Variants in TPCN2 observed in about 807,000 individuals in gnomAD.
The protein encoded by TPCN2 is two pore channel protein 2.
Under a neutral mutation model 111.4 loss-of-function variants are expected in TPCN2, and 92 were observed. The observed-to-expected ratio is 0.83, with a 90% confidence interval of 0.70 to 0.98. The LOEUF is 0.98. Ranked by LOEUF, TPCN2 falls within the 50% of genes least tolerant of loss-of-function variation. TPCN2 has a pLI of 0.00. For synonymous variants in TPCN2, 405 were observed against 414.5 expected (o/e 0.98, Z 0.28); for missense variants, 995 against 980.1 (o/e 1.02, Z -0.20).
At chr11:69,050,697 C>T (rs1861186246) in intron 1 of TPCN2, among the ~76,000 whole-genome samples, 1 of 152,336 alleles carries the variant, frequency 6.6e-6, no homozygotes, top group African/African-American at 2.4e-5. Flanking sequence ...CTTTCCGAAT[C>T]TCAGTAAAAG....
intron 13 of TPCN2, among the ~76,000 whole-genome samples, chr11:69,074,022 C>T (rs1316438566): frequency 6.6e-6 from 1 of 152,182 alleles, no homozygotes. Context: ...TTTTAAAAGG[C>T]CCTGTCTCCA....
intron 7 of TPCN2, among the ~76,000 whole-genome samples, chr11:69,067,289 A>T (rs1031699884): frequency 6.6e-6 from 1 of 152,224 alleles, no homozygotes; most frequent in Non-Finnish European, 1.5e-5. Context: ...CACCGTGTCC[A>T]TGCGGGTGAG....
chr11:69,052,742 G>A (rs935934747), intron 1 of TPCN2, among the ~76,000 whole-genome samples: 3 of 152,196 alleles, frequency 2.0e-5, no homozygotes, highest in Non-Finnish European at 4.4e-5. Flanking sequence ...GGCCAGTGGC[G>A]TGGGCGGGTC....
rs749820338 is a variant in TPCN2, at chr11:69,085,846, A to C, written c.1921-2A>C. On this transcript the variant is annotated splice_acceptor_variant, in intron 21 of 24. Coordinates refer to ENST00000294309, the MANE Select transcript of TPCN2 (RefSeq NM_139075.4). LOFTEE classifies it high-confidence loss of function. ...CTGGACCGCTGGTCTCTGCCCCCGCAGGCTGCCCTGGTCACTCTGTGGAAC... is the reference window on the plus strand; with the variant it reads ...CTGGACCGCTGGTCTCTGCCCCCGCCGGCTGCCCTGGTCACTCTGTGGAAC... 5.0e-6 allele frequency: 8 copies of C among 1,614,080 alleles called. No individual in the cohort carries two copies. Among genetic ancestry groups the C allele is most frequent in the Non-Finnish European group, 6.8e-6 (8 of 1,179,972 alleles).
chr11:69,058,661 C>T (rs552419111), intron 5 of TPCN2, among the ~76,000 whole-genome samples: 39 of 152,308 alleles, frequency 2.6e-4, no homozygotes, highest in Admixed American at 1.3e-3. Flanking sequence ...TGGGCGGCAT[C>T]GCAGCCCACA....
At chr11:69,072,554 A>C in intron 11 of TPCN2, 73 bp from the exon 12 acceptor site, 1 of 1,490,282 alleles carries the variant, frequency 6.7e-7, no homozygotes, top group Non-Finnish European at 9.3e-7. Context: ...ACGCCAGGGC[A>C]GGAGGACCCA....
chr11:69,072,098 TA>T, intron 11 of TPCN2, 75 bp downstream of exon 11: 1 of 1,281,334 alleles, frequency 7.8e-7, no homozygotes, highest in South Asian at 1.3e-5. Flanking sequence ...GGGTGTTCAT[TA>T]GGGGCTTCTT....
chr11:69,080,324 A>G (rs1168498924), intron 17 of TPCN2, among the ~76,000 whole-genome samples: 1 of 152,082 alleles, frequency 6.6e-6, no homozygotes, highest in Non-Finnish European at 1.5e-5. Flanking sequence ...ATCGCCTCCC[A>G]CTCTGGACAT....
chr11:69,070,026 CTT>C (rs34320189), intron 8 of TPCN2, among the ~76,000 whole-genome samples: 42 of 143,880 alleles, frequency 2.9e-4, no homozygotes, highest in Middle Eastern at 3.6e-3. Context: ...TTCTTTCTTT[CTT>C]TTTTTTTTTT....
Position 69,054,033 on chromosome 11 carries a change from G to T in TPCN2, c.110G>T (p.Gly37Val). The T allele has an allele frequency of 6.2e-7, 1 of 1,613,728 alleles. No individual in the cohort carries two copies. Among genetic ancestry groups the T allele is most frequent in the Non-Finnish European group, 8.5e-7 (1 of 1,179,854 alleles). ...CCTGATGTGTCCCCTCTGCCTGCAG[G>T]TGCCGCGGCCAGGTGGGACCTCTGC... ...TTYRSIQVGPGAAARWDLCID... is the reference protein window; with the variant it reads ...TTYRSIQVGPVAAARWDLCID... The change falls in exon 2 of 25, where the codon GGT (glycine) becomes GTT (valine). Residue 37 changes from glycine (G) to valine (V), a missense_variant and splice_region_variant. Transcript: ENST00000294309.
At chr11:69,077,427 C>G (rs1855841929) in intron 13 of TPCN2, among the ~76,000 whole-genome samples, 2 of 152,174 alleles carry the variant, frequency 1.3e-5, no homozygotes. Context: ...AAAGCCTCAA[C>G]TCCCGTTCAC....
At chr11:69,063,679 A>C (rs1434400557) in intron 6 of TPCN2, among the ~76,000 whole-genome samples, 8 of 152,114 alleles carry the variant, frequency 5.3e-5, no homozygotes, top group Admixed American at 5.2e-4. Context: ...ACTGTCAAAG[A>C]AAGGACCCTG....
chr11:69,054,773 G>C lies in TPCN2; in HGVS notation c.227G>C (p.Arg76Pro). The change falls in exon 3 of 25, where the codon CGG becomes CCG. Residue 76 changes from arginine (R) to proline (P), a missense_variant. Arg to Pro is a moderately radical substitution (Grantham distance 103). Coordinates refer to ENST00000294309, the MANE Select transcript of TPCN2 (RefSeq NM_139075.4). ...GCCAGCTCGATGTGGCTTTACCGAC[G>C]GTATTACTCGAACGTATGCCAACGG... is the stretch of plus-strand genomic sequence containing the variant. ...VDASSMWLYRRYYSNVCQRTL... is the reference protein window; with the variant it reads ...VDASSMWLYRPYYSNVCQRTL... The C allele has an allele frequency of 1.2e-6, 2 of 1,614,128 alleles. No individual in the cohort carries two copies. Among genetic ancestry groups the C allele is most frequent in the Non-Finnish European group, 1.7e-6 (2 of 1,180,006 alleles).
chr11:69,078,417 A>G, intron 13 of TPCN2, 65 bp from the exon 14 acceptor site: 1 of 1,597,628 alleles, frequency 6.3e-7, no homozygotes, highest in Non-Finnish European at 8.5e-7. Context: ...GGGTGTGAGC[A>G]TTTTTGGGCT....
intron 9 of TPCN2, among the ~76,000 whole-genome samples, chr11:69,070,740 C>T (rs1173178044): frequency 6.8e-6 from 1 of 147,948 alleles, no homozygotes; most frequent in Non-Finnish European, 1.5e-5. Flanking sequence ...CCCCAGGGAT[C>T]CCCCACCAAC....
intron 13 of TPCN2, among the ~76,000 whole-genome samples, chr11:69,077,918 G>T (rs1481351385): frequency 6.6e-6 from 1 of 152,222 alleles, no homozygotes; most frequent in African/African-American, 2.4e-5. Flanking sequence ...AGCGGGTGCA[G>T]GTCTCCTTGC....
intron 7 of TPCN2, among the ~76,000 whole-genome samples, chr11:69,066,850 G>C (rs1048607634): frequency 2.0e-5 from 3 of 152,180 alleles, no homozygotes; most frequent in African/African-American, 7.2e-5. Context: ...CCCAGTGAGA[G>C]CCCCGGGCCC....
intron 1 of TPCN2, among the ~76,000 whole-genome samples, chr11:69,053,237 T>G (rs1434272903): frequency 6.6e-6 from 1 of 152,150 alleles, no homozygotes; most frequent in Non-Finnish European, 1.5e-5. Context: ...GCTTGTGCTG[T>G]TGGTAAAGGC....
At chr11:69,058,447 G>A (rs558595511) in intron 5 of TPCN2, among the ~76,000 whole-genome samples, 1 of 152,222 alleles carries the variant, frequency 6.6e-6, no homozygotes, top group Non-Finnish European at 1.5e-5. Context: ...CTTGCCCTCT[G>A]TCCTCTGGGA....
Sources: gnomAD v4.1 joint callset for allele counts (sites outside exome capture counted in the v4.1 genomes callset) on GRCh38, gnomAD v4.1.1 for gene constraint, MANE v1.5 for transcripts, NCBI Gene and HGNC (gene_info 2026-07-23, HGNC 2026-07-21) for gene names.